Variants in ZNF487 observed in about 807,000 individuals in gnomAD.
ZNF487 encodes zinc finger protein 487, also known as KRAB domain only 1.
Under a neutral mutation model 3.0 loss-of-function variants are expected in ZNF487, and 4 were observed. The observed-to-expected ratio is 1.35, with a 90% CI of 0.66 to 3.08. The LOEUF is 3.08. ZNF487 is among the 30% of genes most tolerant of loss of function. The pLI is 0.01. For missense variants in ZNF487, 146 were observed against 98.7 expected (o/e 1.48, Z -2.03); for synonymous variants, 55 against 34.6 (o/e 1.59, Z -2.06).
chr10:43,514,910 C>A, the ZNF487 span, among the ~76,000 whole-genome samples: 1 of 152,182 alleles, frequency 6.6e-6, no homozygotes, highest in African/African-American at 2.4e-5. Context: ...CTCCACCATC[C>A]CAATCTCCCT....
At chr10:43,474,920 A>G (rs1336613715) in intron 1 of ZNF487, among the ~76,000 whole-genome samples, 1 of 151,872 alleles carries the variant, frequency 6.6e-6, no homozygotes, top group Non-Finnish European at 1.5e-5. Context: ...AAAAATATCA[A>G]TTCTACTAAA....
At chr10:43,465,126 CTGGCCGGGCGGGGGGCTG>C (rs1840632862) in intron 1 of ZNF487, among the ~76,000 whole-genome samples, 1 of 120,208 alleles carries the variant, frequency 8.3e-6, no homozygotes, top group Admixed American at 1.0e-4. Flanking sequence ...GATGGGGCGG[CTGGCCGGGCGGGGGGCTG>C]ACCCGCCCAC....
At chr10:43,466,513 C>T (rs1419563104) in intron 1 of ZNF487, among the ~76,000 whole-genome samples, 1 of 151,002 alleles carries the variant, frequency 6.6e-6, no homozygotes, top group African/African-American at 2.4e-5. Context: ...ATTGATTCTC[C>T]TGCCTCAGCC....
At chr10:43,457,231 G>A (rs910938997) in intron 1 of ZNF487, among the ~76,000 whole-genome samples, 1 of 151,762 alleles carries the variant, frequency 6.6e-6, no homozygotes, top group African/African-American at 2.4e-5. Flanking sequence ...GGGTGACAGC[G>A]TGAGACTCCA....
intron 1 of ZNF487, among the ~76,000 whole-genome samples, chr10:43,460,091 C>T (rs1005853229): frequency 6.6e-6 from 1 of 151,870 alleles, no homozygotes; most frequent in Admixed American, 6.6e-5. Context: ...CATGAGCCAC[C>T]GTGCCCGGCC....
intron 1 of ZNF487, among the ~76,000 whole-genome samples, chr10:43,450,439 G>A (rs1235755812): frequency 6.6e-6 from 1 of 151,900 alleles, no homozygotes; most frequent in Non-Finnish European, 1.5e-5. Context: ...CACAACCTCT[G>A]CATCCTGGGT....
intron 1 of ZNF487, among the ~76,000 whole-genome samples, chr10:43,469,395 G>A (rs535623695): frequency 6.6e-6 from 1 of 152,194 alleles, no homozygotes; most frequent in East Asian, 1.9e-4. Flanking sequence ...CTTTCAGCAT[G>A]TCGACCAGGC....
the ZNF487 span, among the ~76,000 whole-genome samples, chr10:43,519,372 T>G: frequency 6.6e-6 from 1 of 152,232 alleles, no homozygotes; most frequent in African/African-American, 2.4e-5. Flanking sequence ...AGAATTAGAC[T>G]TAAAATGTAA....
chr10:43,442,601 G>A (rs895088252), intron 1 of ZNF487, among the ~76,000 whole-genome samples: 36 of 152,096 alleles, frequency 2.4e-4, no homozygotes, highest in African/African-American at 7.7e-4. Flanking sequence ...CTGCCACTGC[G>A]CCTGGCTAAT....
At chr10:43,441,680 G>C (rs1450258884) in intron 1 of ZNF487, among the ~76,000 whole-genome samples, 1 of 152,048 alleles carries the variant, frequency 6.6e-6, no homozygotes, top group Non-Finnish European at 1.5e-5. Context: ...TCTGCCTCCT[G>C]GGTTCAAGTG....
chr10:43,505,110 C>T, the ZNF487 span, among the ~76,000 whole-genome samples: 2 of 152,090 alleles, frequency 1.3e-5, no homozygotes, highest in African/African-American at 4.8e-5. Context: ...ACCTCGAACT[C>T]CTGGGCTCAA....
chr10:43,499,527 C>A, the ZNF487 span, among the ~76,000 whole-genome samples: 1 of 151,948 alleles, frequency 6.6e-6, no homozygotes, highest in Admixed American at 6.6e-5. Context: ...AGCGATCTGC[C>A]CACCTCAGCC....
At chr10:43,465,960 G>C (rs1331204734) in intron 1 of ZNF487, among the ~76,000 whole-genome samples, 5 of 149,072 alleles carry the variant, frequency 3.4e-5, no homozygotes, top group African/African-American at 4.9e-5. Flanking sequence ...CCGAGGCTGG[G>C]GGATCACTCG....
chr10:43,507,291 T>C, the ZNF487 span, among the ~76,000 whole-genome samples: 111,517 of 152,106 alleles, frequency 0.73, 42,026 homozygotes, highest in East Asian at 0.93. Context: ...TATTTGTGAT[T>C]GTGCACCCAC....
the ZNF487 span, among the ~76,000 whole-genome samples, chr10:43,493,262 AAACTCTAG>A: frequency 1.3e-5 from 2 of 151,948 alleles, no homozygotes; most frequent in Admixed American, 6.6e-5. Context: ...AACAACAACA[AAACTCTAG>A]TGGTGTTCAT....
At chr10:43,505,936 C>T in the ZNF487 span, among the ~76,000 whole-genome samples, 2 of 152,226 alleles carry the variant, frequency 1.3e-5, no homozygotes, top group Non-Finnish European at 2.9e-5. Flanking sequence ...AGCCATCACA[C>T]CCAGCCCATT....
the ZNF487 span, among the ~76,000 whole-genome samples, chr10:43,510,195 C>T: frequency 4.6e-5 from 7 of 152,292 alleles, no homozygotes; most frequent in African/African-American, 1.2e-4. Flanking sequence ...TTACAGTCCT[C>T]GTTTCTGCAG....
the ZNF487 span, among the ~76,000 whole-genome samples, chr10:43,511,440 G>A: frequency 6.6e-6 from 1 of 152,192 alleles, no homozygotes; most frequent in Non-Finnish European, 1.5e-5. Context: ...ATTGTGTGCA[G>A]GATAGGCAAA....
intron 2 of ZNF487, 102 bp from the exon 3 acceptor site, chr10:43,476,005 G>A: frequency 1.5e-6 from 1 of 675,696 alleles, no homozygotes; most frequent in South Asian, 1.7e-5. Context: ...TATCTGTGGT[G>A]TTTTCTGTAA....
Sources: gnomAD v4.1 joint callset for allele counts (sites outside exome capture counted in the v4.1 genomes callset) on GRCh38, gnomAD v4.1.1 for gene constraint, MANE v1.5 for transcripts, NCBI Gene and HGNC (gene_info 2026-07-23, HGNC 2026-07-21) for gene names.